DSCAML1: variants seen among roughly 807,000 people sequenced by gnomAD.
DSCAML1 encodes cell adhesion molecule DSCAML1.
DSCAML1 carries 38 observed loss-of-function variants against 200.5 expected under a neutral mutation model. The observed-to-expected ratio is 0.19, with a 90% CI of 0.15 to 0.25. The LOEUF (loss-of-function observed/expected upper bound fraction) is 0.25, where lower values mean the gene tolerates loss of function less well. Among genes scored for constraint, DSCAML1 ranks in the 10% least tolerant of loss-of-function variants. The pLI, the probability that DSCAML1 is intolerant of heterozygous loss-of-function variation, is 1.00. For missense variants in DSCAML1, 2,223 were observed against 2,858.8 expected (o/e 0.78, Z 5.07); for synonymous variants, 1,215 against 1,165.0 (o/e 1.04, Z -0.87).
At chr11:117,430,188 T>C (rs528640609) in intron 32 of DSCAML1, among the ~76,000 whole-genome samples, 76 of 152,318 alleles carry the variant, frequency 5.0e-4, no homozygotes, top group African/African-American at 1.8e-3. Flanking sequence ...TGGGGTCAGA[T>C]GGTTCCCAGC....
At chr11:117,713,693 C>A (rs1430291890) in intron 3 of DSCAML1, among the ~76,000 whole-genome samples, 1 of 152,204 alleles carries the variant, frequency 6.6e-6, no homozygotes, top group African/African-American at 2.4e-5. Flanking sequence ...AAATTTATGA[C>A]CTCCGTCACC....
Position 117,431,650 on chromosome 11 carries a change from C to T in DSCAML1, c.5258G>A (p.Cys1753Tyr). The T allele has an allele frequency of 1.2e-6, 2 of 1,613,232 alleles. No homozygotes were observed. ...GGTGCGGGCAGGTGTGGAGGCCTGG[C>T]ACTTGGTCAGGGTCCACTGGCTTGA... ...RYSSQWTLTKCQASTPARTLT... is the reference protein window; with the variant it reads ...RYSSQWTLTKYQASTPARTLT... The change falls in exon 31 of 33, where the codon TGC (cysteine) becomes TAC (tyrosine). Residue 1753 changes from cysteine (C) to tyrosine (Y), a missense_variant. Coordinates refer to ENST00000651296, the MANE Select transcript of DSCAML1 (RefSeq NM_020693.4).
rs762794152 is a variant in DSCAML1, at chr11:117,780,589, A to C, written c.268T>G (p.Ser90Ala). 6 of 1,581,016 alleles carry C rather than the reference A, an allele frequency of 3.8e-6. No homozygotes were observed. The highest frequency in any genetic ancestry group is 1.8e-5 in the Admixed American group (1 of 54,898). The part of the protein sequence containing the change: ...GTLQLYPFSP[S>A]AFNSFIHDND... ...TCGTGGATAAAGCTATTGAAGGCGG[A>C]GGGGGAGAAGGGGTAGAGCTGCAGC... The change falls in exon 2 of 33, where the codon TCC (serine) becomes GCC (alanine). Residue 90 changes from serine to alanine, a missense_variant. Ser to Ala is a moderately conservative substitution (Grantham distance 99). Around this residue, in one of 7 missense-constraint regions of DSCAML1, gnomAD observed 579 missense variants for 721.5 expected, o/e 0.80. Transcript: ENST00000651296. This position sits in a 1 kb window ranked among gnomAD's most constrained non-coding sequence, Gnocchi z 4.8.
intron 3 of DSCAML1, among the ~76,000 whole-genome samples, chr11:117,585,809 G>A (rs1200756207): frequency 6.6e-6 from 1 of 152,172 alleles, no homozygotes; most frequent in Non-Finnish European, 1.5e-5. Context: ...TCCTGGAGGC[G>A]CCGCTGAAAT....
intron 8 of DSCAML1, among the ~76,000 whole-genome samples, chr11:117,507,986 G>A (rs1191945484): frequency 2.0e-5 from 3 of 152,110 alleles, no homozygotes; most frequent in Non-Finnish European, 2.9e-5. Context: ...AGACCTCCCC[G>A]AGATCTCTCT....
At chr11:117,730,768 C>G (rs1219539761) in intron 3 of DSCAML1, among the ~76,000 whole-genome samples, 2 of 152,224 alleles carry the variant, frequency 1.3e-5, no homozygotes, top group Non-Finnish European at 2.9e-5. Flanking sequence ...TTCACAGCAG[C>G]ATTTTTCATT....
chr11:117,558,286 C>A (rs956982880), intron 3 of DSCAML1, among the ~76,000 whole-genome samples: 2 of 152,078 alleles, frequency 1.3e-5, no homozygotes, highest in African/African-American at 4.8e-5. Flanking sequence ...GGAGCGGGGA[C>A]CCTTAAGGGC....
At chr11:117,674,502 G>A (rs1404691552) in intron 3 of DSCAML1, among the ~76,000 whole-genome samples, 2 of 152,140 alleles carry the variant, frequency 1.3e-5, no homozygotes, top group Non-Finnish European at 2.9e-5. Flanking sequence ...TGGGTACCAC[G>A]TCCTCATGAT....
chr11:117,441,821 G>A (rs749778954), intron 21 of DSCAML1, among the ~76,000 whole-genome samples: 4 of 152,172 alleles, frequency 2.6e-5, no homozygotes, highest in Non-Finnish European at 5.9e-5. Context: ...GACAGGCCCG[G>A]CAGAGGGGTC....
chr11:117,480,342 C>T lies in DSCAML1; in HGVS notation c.2785+101G>A. On this transcript the variant is annotated intron_variant, in intron 14 of 32. Transcript: ENST00000651296. The surrounding 1 kb of genome is among the most constrained non-coding windows in gnomAD (Gnocchi z 4.1). ...TTGTGTGTCTAGCTTGGATGGGCAG[C>T]CCTAAGGCTCAGGGGCTCTCCTCCC... 9 of 1,526,954 alleles carry T rather than the reference C, an allele frequency of 5.9e-6. No individual in the cohort carries two copies. The highest frequency in any genetic ancestry group is 8.0e-6 in the Non-Finnish European group (9 of 1,129,502). 94.6% of individuals were successfully genotyped at this position (1,526,954 alleles called of 1,614,324 possible). A position where few individuals can be genotyped will look rare whatever the true frequency, so the allele number is the denominator to read the frequency against.
rs549004099 is a variant in DSCAML1 at position 117,523,034 on chromosome 11, T to C, written c.938-1629A>G. Among the ~76,000 whole-genome samples the C allele has an allele frequency of 2.6e-5, 4 of 152,232 alleles. No homozygotes were observed. In the East Asian group the frequency reaches 7.7e-4, roughly 29 times the overall value. ...TGCTGTACATCTGTGAGAGTGTACT[T>C]GGATATGGGCATGTTCCTGTGAAGG... On this transcript the variant is annotated intron_variant, in intron 5 of 32. Transcript: ENST00000651296.
At chr11:117,541,225 C>T (rs747817022) in intron 3 of DSCAML1, among the ~76,000 whole-genome samples, 1 of 152,226 alleles carries the variant, frequency 6.6e-6, no homozygotes, top group East Asian at 1.9e-4. Flanking sequence ...TAGACAGCTC[C>T]TTGGAGAAGT....
Position 117,463,717 on chromosome 11 carries a change from C to A in DSCAML1, c.3265+1225G>T. Among the ~76,000 whole-genome samples, 1 of 152,182 alleles carries A rather than the reference C, an allele frequency of 6.6e-6. No homozygotes were observed. Among genetic ancestry groups the A allele is most frequent in the East Asian group, 1.9e-4 (1 of 5,188 alleles). On this transcript the variant is annotated intron_variant, in intron 17 of 32. Coordinates refer to ENST00000651296, the MANE Select transcript of DSCAML1 (RefSeq NM_020693.4). This position sits in a 1 kb window ranked among gnomAD's most constrained non-coding sequence, Gnocchi z 4.0. ...GTTGTGGTGCGGCTCTCCTCCCTCC[C>A]CCTGGACTTCTCTGCCACGTGCCTC...
At chr11:117,710,841 T>G (rs144113885) in intron 3 of DSCAML1, among the ~76,000 whole-genome samples, 1 of 152,258 alleles carries the variant, frequency 6.6e-6, no homozygotes, top group Non-Finnish European at 1.5e-5. Context: ...AAGTTGACAA[T>G]CTAACTGGGG....
intron 3 of DSCAML1, among the ~76,000 whole-genome samples, chr11:117,731,010 G>A (rs530814262): frequency 4.3e-4 from 66 of 152,316 alleles, no homozygotes; most frequent in African/African-American, 1.4e-3. Flanking sequence ...TGGGGGAAAT[G>A]ACTGTTAATG....
intron 3 of DSCAML1, among the ~76,000 whole-genome samples, chr11:117,769,248 G>T (rs796136332): frequency 0.054 from 142 of 2,626 alleles, 6 homozygotes; most frequent in Admixed American, 0.13. Flanking sequence ...TTTTATATAT[G>T]TATATATTAT....
At position 117,648,477 on chromosome 11, in the gene DSCAML1, G is replaced by A. The variant is rs187152343; in HGVS notation, c.512-115955C>T. On this transcript the variant is annotated intron_variant, in intron 3 of 32. Transcript: ENST00000651296. ...CCTTGTGTGTCAGAAGAAATAAAAC[G>A]TGATCAAAGAAAAGGAGAAAGGATT... Among the ~76,000 whole-genome samples, 5 of 152,328 alleles carry A rather than the reference G, an allele frequency of 3.3e-5. No homozygotes were observed. The East Asian group carries it at 5.8e-4, about 18-fold the overall frequency.
intron 3 of DSCAML1, among the ~76,000 whole-genome samples, chr11:117,724,166 G>T (rs2054084577): frequency 6.6e-6 from 1 of 152,074 alleles, no homozygotes; most frequent in South Asian, 2.1e-4. Flanking sequence ...TCTGACCCTG[G>T]CCTTATAGAG....
At chr11:117,470,430 C>T (rs1485638865) in intron 15 of DSCAML1, among the ~76,000 whole-genome samples, 6 of 152,140 alleles carry the variant, frequency 3.9e-5, no homozygotes, top group Non-Finnish European at 7.3e-5. Flanking sequence ...AAAAAATTAG[C>T]CGGGCGAGGT....
Sources: allele counts gnomAD v4.1 joint callset (sites outside exome capture counted in the v4.1 genomes callset), GRCh38; gene constraint gnomAD v4.1.1; regional missense constraint gnomAD v4.1.1; non-coding constraint Gnocchi (gnomAD v3.1); transcripts MANE v1.5; gene names NCBI Gene and HGNC (gene_info 2026-07-23, HGNC 2026-07-21).